The following ACTG1 variants were observed in gnomAD, a reference collection of about 807,000 sequenced individuals.
The protein encoded by ACTG1 is actin gamma 1, also known as actin, cytoplasmic 2.
Under a neutral mutation model 34.3 loss-of-function variants are expected in ACTG1, and 14 were observed. That is an observed-to-expected ratio of 0.41 (90% CI 0.27 to 0.64). ACTG1 has a LOEUF of 0.64. Ranked by LOEUF, ACTG1 falls within the 30% of genes least tolerant of loss-of-function variation. The pLI, the probability that ACTG1 is intolerant of heterozygous loss-of-function variation, is 0.33. For synonymous variants in ACTG1, 422 were observed against 213.9 expected, an observed-to-expected ratio of 1.97 and a Z score of -8.49; for missense variants, 233 against 529.5, an observed-to-expected ratio of 0.44 and a Z score of 5.50.
Position 81,511,250 on chromosome 17 carries a change from A to G in ACTG1, c.740T>C (p.Val247Ala). 6.2e-7 allele frequency: 1 copy of G among 1,613,772 alleles called. No individual in the cohort carries two copies. Among genetic ancestry groups the G allele is most frequent in the Non-Finnish European group, 8.5e-7 (1 of 1,180,038 alleles). ...GAACCGCTCATTGCCAATGGTGATG[A>G]CCTGGCCATCGGGCAGCTCGTAGCT... is the stretch of plus-strand genomic sequence containing the variant. ...EKSYELPDGQ[V>A]ITIGNERFRC... The change falls in exon 4 of 6, where the codon GTC (valine) becomes GCC (alanine). Residue 247 changes from valine to alanine, a missense_variant. Physicochemically the swap from Val to Ala is moderately conservative, Grantham distance 64. Transcript: ENST00000573283.
chr17:81,512,631 G>T (rs906363885), intron 1 of ACTG1, 103 bp downstream of exon 1: 2 of 506,080 alleles, frequency 4.0e-6, no homozygotes, highest in African/African-American at 2.0e-5. Context: ...TTTTGTTCCC[G>T]GGGAAGGCGC....
Position 81,512,268 on chromosome 17 carries a change from G to A in ACTG1, c.87C>T (p.Ala29=), listed in dbSNP as rs11549232. ...GGCGCCCGACGATGGAAGGAAACAC[G>A]GCTCGGGGAGCGTCGTCCCCAGCAA... ...AGFAGDDAPR[A]VFPSIVGRPR... Residue 29 remains alanine, a synonymous_variant, in exon 2 of 6, where the codon GCC becomes GCT. Coordinates refer to ENST00000573283, the MANE Select transcript of ACTG1 (RefSeq NM_001614.5). 8.7e-6 allele frequency: 14 copies of A among 1,613,664 alleles called. No individual in the cohort carries two copies. In the East Asian group the frequency reaches 2.5e-4, roughly 28 times the overall value.
intron 3 of ACTG1, 42 bp downstream of exon 3, chr17:81,511,861 G>A (rs782800711): frequency 9.9e-6 from 16 of 1,612,044 alleles, no homozygotes; most frequent in Admixed American, 3.3e-5. Flanking sequence ...GAAAATGACT[G>A]GGGAAAGGAC....
Position 81,512,232 on chromosome 17 carries a change from C to G in ACTG1, c.123G>C (p.Gln41His). ...GAGCCCCGCGGCGCCATCCACTCAC[C>G]TGGTGTCTGGGGCGCCCGACGATGG... is the stretch of plus-strand genomic sequence containing the variant. ...FPSIVGRPRHQGVMVGMGQKD... is the reference protein window; with the variant it reads ...FPSIVGRPRHHGVMVGMGQKD... Residue 41 changes from glutamine to histidine, a missense_variant and splice_region_variant, in exon 2 of 6, where the codon CAG becomes CAC. By Grantham distance (24) the Gln-to-His change is conservative (BLOSUM62 0). Coordinates refer to ENST00000573283, the MANE Select transcript of ACTG1 (RefSeq NM_001614.5). The G allele has an allele frequency of 6.2e-7, 1 of 1,613,650 alleles. No individual in the cohort carries two copies. Among genetic ancestry groups the G allele is most frequent in the Non-Finnish European group, 8.5e-7 (1 of 1,179,948 alleles).
chr17:81,512,206 G>C, intron 2 of ACTG1, 26 bp downstream of exon 2: 1 of 1,613,394 alleles, frequency 6.2e-7, no homozygotes, highest in Non-Finnish European at 8.5e-7. Context: ...GCAGAACCCA[G>C]GAGCCCCGCG....
At chr17:81,511,719 T>A (rs782341825) in intron 3 of ACTG1, 93 bp from the exon 4 acceptor site, 10 of 1,514,612 alleles carry the variant, frequency 6.6e-6, no homozygotes, top group Non-Finnish European at 6.3e-6. Context: ...CAGTGTGATG[T>A]GTGGAGAAAA....
intron 1 of ACTG1, 132 bp from the exon 2 acceptor site, chr17:81,512,492 A>G: frequency 7.0e-7 from 1 of 1,429,654 alleles, no homozygotes; most frequent in Non-Finnish European, 9.7e-7. Flanking sequence ...CAAGATCGCA[A>G]CCGCCTGGAA....
chr17:81,512,069 G>A lies in ACTG1; in HGVS notation c.197C>T (p.Thr66Ile). ...DEAQSKRGIL[T>I]LKYPIEHGIV... ...GCCATGCTCAATGGGGTACTTCAGGGTCAGGATGCCACGCTTGCTCTGGGC... is the reference window on the plus strand; with the variant it reads ...GCCATGCTCAATGGGGTACTTCAGGATCAGGATGCCACGCTTGCTCTGGGC... The change falls in exon 3 of 6, where the codon ACC becomes ATC. Residue 66 changes from threonine (T) to isoleucine (I), a missense_variant. Thr to Ile is a moderately conservative substitution (Grantham distance 89). Transcript: ENST00000573283. 1 of 1,614,014 alleles carries A rather than the reference G, an allele frequency of 6.2e-7. No homozygotes were observed. The highest frequency in any genetic ancestry group is 1.3e-5 in the African/African-American group (1 of 75,068).
intron 3 of ACTG1, 58 bp from the exon 4 acceptor site, chr17:81,511,684 T>C: frequency 6.4e-7 from 1 of 1,566,524 alleles, no homozygotes; most frequent in Non-Finnish European, 8.7e-7. Flanking sequence ...CACCCCATGC[T>C]CACACGCCAC....
At position 81,510,771 on chromosome 17, in the gene ACTG1, C is replaced by T; in HGVS notation, c.1047G>A (p.Leu349=). The T allele has an allele frequency of 6.2e-7, 1 of 1,611,630 alleles. No homozygotes were observed. The highest frequency in any genetic ancestry group is 8.5e-7 in the Non-Finnish European group (1 of 1,179,174). Reference sequence around the variant, plus strand: ...TAATCCACATCTGCTGGAAGGTGGACAGTGAGGCCAGGATGGAGCCACCGA... The same window carrying T: ...TAATCCACATCTGCTGGAAGGTGGATAGTGAGGCCAGGATGGAGCCACCGA... The part of the protein sequence containing the change: ...VWIGGSILAS[L]STFQQMWISK... The change falls in exon 6 of 6, where the codon CTG becomes CTA. Residue 349 remains leucine (L), a synonymous_variant. Transcript: ENST00000573283.
rs782137311 is a variant in ACTG1, at chr17:81,512,217, G to T, written c.123+15C>A. The T allele has an allele frequency of 6.2e-7, 1 of 1,613,390 alleles. No homozygotes were observed. Among genetic ancestry groups the T allele is most frequent in the Admixed American group, 1.7e-5 (1 of 60,018 alleles). ...CAACGCAGAACCCAGGAGCCCCGCGGCGCCATCCACTCACCTGGTGTCTGG... is the reference window on the plus strand; with the variant it reads ...CAACGCAGAACCCAGGAGCCCCGCGTCGCCATCCACTCACCTGGTGTCTGG... On this transcript the variant is annotated intron_variant, in intron 2 of 5. Coordinates refer to ENST00000573283, the MANE Select transcript of ACTG1 (RefSeq NM_001614.5).
At chr17:81,512,560 GC>G (rs2031883315) in intron 1 of ACTG1, 173 bp downstream of exon 1, 2 of 837,528 alleles carry the variant, frequency 2.4e-6, no homozygotes, top group Admixed American at 2.3e-5. Flanking sequence ...CTGCGGCCGG[GC>G]CCCGCCCTGG....
At chr17:81,512,670 C>A (rs1195295169) in intron 1 of ACTG1, 64 bp downstream of exon 1, 3 of 413,296 alleles carry the variant, frequency 7.3e-6, no homozygotes, top group African/African-American at 2.1e-5. Context: ...GGAAGCGGGG[C>A]CAGCCGGGGT....
rs782349588 is a variant in ACTG1 at position 81,512,380 on chromosome 17, C to T, written c.-6-20G>A. The T allele has an allele frequency of 1.4e-5, 23 of 1,613,840 alleles. No individual in the cohort carries two copies. The East Asian group carries it at 2.7e-4, about 19-fold the overall frequency. On this transcript the variant is annotated intron_variant, in intron 1 of 5. Coordinates refer to ENST00000573283, the MANE Select transcript of ACTG1 (RefSeq NM_001614.5). ...TGCGACCTGCCCGGAAAAGGATGGA[C>T]TCAGGCGGGCGCGTCTGTAACACGG...
intron 3 of ACTG1, 45 bp from the exon 4 acceptor site, chr17:81,511,671 G>A (rs781828809): frequency 4.5e-5 from 72 of 1,586,638 alleles, no homozygotes; most frequent in South Asian, 3.4e-4. Flanking sequence ...AGAGACCCAC[G>A]GCCACCCCAT....
rs1249266436 is a variant in ACTG1, at chr17:81,512,789, C to T, written c.-62G>A. ...AAGAACAGAGTGCGAGAGCTGGCAG[C>T]GGCGACTGAGACCGACCGCGGCCTC... On this transcript the variant is annotated 5_prime_UTR_variant, in exon 1 of 6. Transcript: ENST00000573283. The T allele has an allele frequency of 1.7e-5, 7 of 409,536 alleles. No individual in the cohort carries two copies. The highest frequency in any genetic ancestry group is 2.9e-5 in the Non-Finnish European group (6 of 207,494). 25.4% of individuals were successfully genotyped at this position (409,536 alleles called of 1,614,324 possible). A position where few individuals can be genotyped will look rare whatever the true frequency, so the allele number is the denominator to read the frequency against.
Position 81,511,107 on chromosome 17 carries a change from A to G in ACTG1, c.804T>C (p.Gly268=), listed in dbSNP as rs1555666535. The stretch of plus-strand genomic sequence containing the variant: ...TCTCGTGGATGCCGCAAGATTCCAT[A>G]CCTAGGGGACAGAGCCCTCCCTTAG... ...PEALFQPSFL[G]MESCGIHETT... The change falls in exon 5 of 6, where the codon GGT becomes GGC. Residue 268 remains glycine, a splice_region_variant and synonymous_variant. Transcript: ENST00000573283. 1 of 1,613,894 alleles carries G rather than the reference A, an allele frequency of 6.2e-7. No individual in the cohort carries two copies. Among genetic ancestry groups the G allele is most frequent in the East Asian group, 2.2e-5 (1 of 44,886 alleles).
rs1139408 is a variant in ACTG1 at position 81,510,320 on chromosome 17, C to G, written c.*370G>C. The stretch of plus-strand genomic sequence containing the variant: ...AATCCCAGAACACTCAGCCCTGACA[C>G]GTTAATACCCTGCACAGATCAGAGG... On this transcript the variant is annotated 3_prime_UTR_variant, in exon 6 of 6. Transcript: ENST00000573283. The G allele has an allele frequency of 2.2e-6, 1 of 447,838 alleles. No individual in the cohort carries two copies. The highest frequency in any genetic ancestry group is 6.6e-5 in the East Asian group (1 of 15,058). The allele number at this position is 447,838 out of a possible 1,614,324, so 27.7% of individuals were successfully genotyped here. A position where few individuals can be genotyped will look rare whatever the true frequency, so the allele number is the denominator to read the frequency against.
In ACTG1 at chr17:81,511,237, G is replaced by A. The variant is rs1598548179; in HGVS notation, c.753C>T (p.Gly251=). The A allele has an allele frequency of 3.7e-6, 6 of 1,613,770 alleles. No individual in the cohort carries two copies. Among genetic ancestry groups the A allele is most frequent in the Non-Finnish European group, 1.7e-6 (2 of 1,180,038 alleles). ...ELPDGQVITI[G]NERFRCPEAL... ...CCTCCGGACACCGGAACCGCTCATT[G>A]CCAATGGTGATGACCTGGCCATCGG... is the stretch of plus-strand genomic sequence containing the variant. The change falls in exon 4 of 6, where the codon GGC becomes GGT. Residue 251 remains glycine (G), a synonymous_variant. Transcript: ENST00000573283.
Sources: gnomAD v4.1 joint callset for allele counts on GRCh38, gnomAD v4.1.1 for gene constraint, MANE v1.5 for transcripts, NCBI Gene and HGNC (gene_info 2026-07-23, HGNC 2026-07-21) for gene names.